The following SCN1A variants were observed in gnomAD, a reference collection of about 807,000 sequenced individuals.
SCN1A encodes the protein sodium channel protein type 1 subunit alpha.
In SCN1A, 13 loss-of-function variants were observed where a neutral mutation model predicts 193.7. The observed-to-expected ratio is 0.07, with a 90% CI of 0.04 to 0.11. The LOEUF (loss-of-function observed/expected upper bound fraction) is 0.11, where lower values mean the gene tolerates loss of function less well. SCN1A is among the 10% of genes least tolerant of loss of function. The pLI is 1.00. For synonymous variants in SCN1A, 781 were observed against 843.6 expected (o/e 0.93, Z 1.29); for missense variants, 1,432 against 2,451.1 (o/e 0.58, Z 8.78).
At chr2:166,072,319 T>G (rs1684514120) in intron 4 of SCN1A, among the ~76,000 whole-genome samples, 1 of 152,194 alleles carries the variant, frequency 6.6e-6, no homozygotes, top group African/African-American at 2.4e-5. Flanking sequence ...AAAAAAAATT[T>G]TATGCTTTTT....
intron 22 of SCN1A, among the ~76,000 whole-genome samples, chr2:166,011,036 T>C (rs370088421): frequency 6.6e-6 from 1 of 151,198 alleles, no homozygotes; most frequent in South Asian, 2.1e-4. Context: ...TGAAACATAA[T>C]GTAACTTCTA....
In SCN1A at chr2:165,991,291, T is replaced by C. The variant is rs1330480875; in HGVS notation, c.5984A>G (p.Glu1995Gly). Residue 1995 changes from glutamate (E) to glycine (G), a missense_variant, in exon 29 of 29, where the codon GAA becomes GGA. Physicochemically the swap from Glu to Gly is moderately conservative, Grantham distance 98. Around this residue, in one of 18 missense-constraint regions of SCN1A, gnomAD observed 148 missense variants for 160.3 expected, o/e 0.92. Coordinates refer to ENST00000674923, the MANE Select transcript of SCN1A (RefSeq NM_001165963.4). ...ATCTTTGCCTTCTTGCTCATGTTTT[T>C]CCACAATTGGCTTTGTCACCCGGTC... ...SYDRVTKPIVEKHEQEGKDEK... is the reference protein window; with the variant it reads ...SYDRVTKPIVGKHEQEGKDEK... 3.7e-6 allele frequency: 6 copies of C among 1,613,562 alleles called. No homozygotes were observed. Among genetic ancestry groups the C allele is most frequent in the Non-Finnish European group, 5.1e-6 (6 of 1,179,838 alleles).
At chr2:166,110,235 A>G (rs1174173582) in intron 2 of SCN1A, among the ~76,000 whole-genome samples, 3 of 152,158 alleles carry the variant, frequency 2.0e-5, no homozygotes, top group African/African-American at 4.8e-5. Flanking sequence ...GAAGAATTGA[A>G]TGTTTCTCAC....
chr2:166,073,245 A>T, intron 4 of SCN1A, 113 bp downstream of exon 4: 1 of 1,294,780 alleles, frequency 7.7e-7, no homozygotes, highest in Non-Finnish European at 1.1e-6. Flanking sequence ...TTCATTTCTT[A>T]AACAGAAGGA....
rs1410538284 is a variant in SCN1A at position 166,069,460 on chromosome 2, G to T, written c.264+3898C>A. Among the ~76,000 whole-genome samples, 5 of 152,210 alleles carry T rather than the reference G, an allele frequency of 3.3e-5. No individual in the cohort carries two copies. The South Asian group carries it at 8.3e-4, about 25-fold the overall frequency. On this transcript the variant is annotated intron_variant, in intron 4 of 28. Coordinates refer to ENST00000674923, the MANE Select transcript of SCN1A (RefSeq NM_001165963.4). ...GCACATCTTAAACTGGGACAAAGAG[G>T]ATAAAAATATGTGGGCATATGCCAT...
Position 166,039,375 on chromosome 2 carries a change from A to AT in SCN1A, c.2589+47dup, listed in dbSNP as rs1426110058. ...ATGACATTGCTATGCAAGAACCCTG[A>AT]TTGTTAGAAAGGTTTTTGAATTTGG... On this transcript the variant is annotated intron_variant, in intron 17 of 28. Coordinates refer to ENST00000674923, the MANE Select transcript of SCN1A (RefSeq NM_001165963.4). The AT allele has an allele frequency of 1.9e-6, 3 of 1,583,394 alleles. No homozygotes were observed. The East Asian group carries it at 6.7e-5, about 36-fold the overall frequency.
At chr2:166,111,874 A>G (rs1284228454) in intron 2 of SCN1A, among the ~76,000 whole-genome samples, 1 of 152,154 alleles carries the variant, frequency 6.6e-6, no homozygotes, top group African/African-American at 2.4e-5. Flanking sequence ...AGAGAACTAG[A>G]ATTAGAATGC....
At chr2:166,048,686 ATTAC>A (rs1698143956) in intron 10 of SCN1A, among the ~76,000 whole-genome samples, 196 bp downstream of exon 10, 1 of 152,044 alleles carries the variant, frequency 6.6e-6, no homozygotes, top group Admixed American at 6.6e-5. Flanking sequence ...GTCTAAAAGT[ATTAC>A]TTCTTGTTTT....
At chr2:166,000,397 A>G in intron 24 of SCN1A, among the ~76,000 whole-genome samples, 1 of 151,758 alleles carries the variant, frequency 6.6e-6, no homozygotes, top group African/African-American at 2.4e-5. Context: ...ATAATAAGTT[A>G]ATATGAATAA....
At chr2:166,141,891 C>T (rs1692103616) in intron 1 of SCN1A, among the ~76,000 whole-genome samples, 1 of 152,058 alleles carries the variant, frequency 6.6e-6, no homozygotes, top group Non-Finnish European at 1.5e-5. Context: ...ATAGATTTCC[C>T]TCCAAAGGTG....
chr2:166,120,726 G>A (rs1374195336), intron 2 of SCN1A, among the ~76,000 whole-genome samples: 3 of 150,510 alleles, frequency 2.0e-5, no homozygotes, highest in African/African-American at 7.3e-5. Flanking sequence ...TGACTCTCCT[G>A]GCTCAGCCTC....
rs1448511906 is a variant in SCN1A at position 165,992,180 on chromosome 2, C to A, written c.5095G>T (p.Val1699Phe). 6.2e-7 allele frequency: 1 copy of A among 1,613,892 alleles called. No homozygotes were observed. ...MSNFAYVKRE[V>F]GIDDMFNFET... is the part of the protein sequence containing the mutation. ...AAGTTGAACATGTCATCGATCCCAA[C>A]TTCCCTCTTAACATAGGCAAAGTTG... The change falls in exon 29 of 29, where the codon GTT becomes TTT. Residue 1699 changes from valine to phenylalanine, a missense_variant. Val to Phe is a conservative substitution (Grantham distance 50). This residue lies in a region of SCN1A where 85 missense variants were observed against 213.2 expected (regional missense o/e 0.40). Coordinates refer to ENST00000674923, the MANE Select transcript of SCN1A (RefSeq NM_001165963.4). The surrounding 1 kb of genome is among the most constrained non-coding windows in gnomAD (Gnocchi z 6.5).
Position 166,007,635 on chromosome 2 carries a change from T to C in SCN1A, c.4002+2084A>G, listed in dbSNP as rs1355573329. ...ATGCAAAACACAAAGTGCAACGTGA[T>C]GATAATTTATTTGTTACTTTCTAAC... On this transcript the variant is annotated intron_variant, in intron 23 of 28. Transcript: ENST00000674923. Among the ~76,000 whole-genome samples the C allele has an allele frequency of 2.0e-5, 3 of 151,398 alleles. No individual in the cohort carries two copies. The highest frequency in any genetic ancestry group is 4.4e-5 in the Non-Finnish European group (3 of 67,558).
rs1697586661 is a variant in SCN1A at position 166,044,718 on chromosome 2, CA to C, written c.1662+324del. On this transcript the variant is annotated intron_variant, in intron 13 of 28. Transcript: ENST00000674923. ...ATTCCTGATCGACTATCCGGAGTTC[CA>C]CATTTTTTTTTTTCTTAAAAGTGCT... 2.8e-5 allele frequency among the ~76,000 whole-genome samples: 2 copies of C among 71,698 alleles called. 1 individual carries two copies. Among genetic ancestry groups the C allele is most frequent in the South Asian group, 8.7e-4 (2 of 2,312 alleles). The allele number at this position is 71,698 out of a possible 152,430, so 47.0% of individuals were successfully genotyped here.
At chr2:166,093,160 GGC>G (rs932957620) in intron 2 of SCN1A, among the ~76,000 whole-genome samples, 8 of 151,748 alleles carry the variant, frequency 5.3e-5, no homozygotes, top group Non-Finnish European at 7.4e-5. Flanking sequence ...AGCTATGTCT[GGC>G]CATGACCAAG....
At chr2:166,113,675 C>T (rs1689545720) in intron 2 of SCN1A, among the ~76,000 whole-genome samples, 1 of 151,996 alleles carries the variant, frequency 6.6e-6, no homozygotes, top group African/African-American at 2.4e-5. Flanking sequence ...TGCTAGAGGG[C>T]AAGAATTACT....
chr2:166,090,781 C>T (rs1426513534), intron 2 of SCN1A, among the ~76,000 whole-genome samples: 1 of 152,156 alleles, frequency 6.6e-6, no homozygotes, highest in Non-Finnish European at 1.5e-5. Flanking sequence ...AAAACTTATA[C>T]TAGAAGCAAA....
At chr2:166,098,444 C>G (rs769631768) in intron 2 of SCN1A, among the ~76,000 whole-genome samples, 1 of 152,032 alleles carries the variant, frequency 6.6e-6, no homozygotes, top group South Asian at 2.1e-4. Context: ...AGAACTGAAA[C>G]GAAACAAGGG....
intron 1 of SCN1A, among the ~76,000 whole-genome samples, chr2:166,140,284 A>T (rs1692027541): frequency 6.6e-6 from 1 of 152,230 alleles, no homozygotes; most frequent in African/African-American, 2.4e-5. Context: ...GTTCACAGGC[A>T]AACAAACAGA....
Sources: allele counts gnomAD v4.1 joint callset (sites outside exome capture counted in the v4.1 genomes callset), GRCh38; gene constraint gnomAD v4.1.1; regional missense constraint gnomAD v4.1.1; non-coding constraint Gnocchi (gnomAD v3.1); transcripts MANE v1.5; gene names NCBI Gene and HGNC (gene_info 2026-07-23, HGNC 2026-07-21).